The following OVGP1 variants were observed in gnomAD, a reference collection of about 807,000 sequenced individuals.
The protein encoded by OVGP1 is oviduct-specific glycoprotein.
OVGP1 carries 26 observed loss-of-function variants against 48.2 expected under a neutral mutation model. That is an observed-to-expected ratio of 0.54 (90% CI 0.40 to 0.75). The LOEUF is 0.75. Among genes scored for constraint, OVGP1 ranks in the 30% least tolerant of loss-of-function variants. OVGP1 has a pLI of 0.00. For synonymous variants in OVGP1, 294 were observed against 305.7 expected (o/e 0.96, Z 0.40); for missense variants, 791 against 820.6 (o/e 0.96, Z 0.44).
At chr1:111,422,534 T>A (rs891393216) in intron 6 of OVGP1, among the ~76,000 whole-genome samples, 8 of 152,238 alleles carry the variant, frequency 5.3e-5, no homozygotes, top group African/African-American at 1.9e-4. Context: ...TTTTTGTTTT[T>A]GTGACAGTGA....
Position 111,416,241 on chromosome 1 carries a change from G to C in OVGP1, c.1156+82C>G, listed in dbSNP as rs910826499. The C allele has an allele frequency of 1.3e-5, 18 of 1,357,108 alleles. No homozygotes were observed. In the African/African-American group the frequency reaches 2.1e-4, roughly 16 times the overall value. 84.1% of individuals were successfully genotyped at this position (1,357,108 alleles called of 1,614,324 possible). On this transcript the variant is annotated intron_variant, in intron 10 of 10. Coordinates refer to ENST00000369732, the MANE Select transcript of OVGP1 (RefSeq NM_002557.4). ...CTCAATGTCATGTTGCCTCACCAAGGCATTTAGATCTAGCAGAAGGGCCTT... is the reference window on the plus strand; with the variant it reads ...CTCAATGTCATGTTGCCTCACCAAGCCATTTAGATCTAGCAGAAGGGCCTT...
Position 111,415,226 on chromosome 1 carries a change from G to A in OVGP1, c.1275C>T (p.Pro425=), listed in dbSNP as rs372572309. The A allele has an allele frequency of 2.5e-6, 4 of 1,614,012 alleles. No homozygotes were observed. The highest frequency in any genetic ancestry group is 3.3e-5 in the Admixed American group (2 of 59,996). Residue 425 remains proline, a synonymous_variant, in exon 11 of 11, where the codon CCC becomes CCT. Transcript: ENST00000369732. ...CAGTGACCCCAGCCTCTCCTCCTGG[G>A]GGCAAAATCTTACTATCAGTGGTCC... ...TAWTTDSKIL[P]PGGEAGVTEI...
At position 111,421,650 on chromosome 1, in the gene OVGP1, A is replaced by C; in HGVS notation, c.632T>G (p.Leu211Trp). 6.2e-7 allele frequency: 1 copy of C among 1,610,446 alleles called. No homozygotes were observed. Among genetic ancestry groups the C allele is most frequent in the Non-Finnish European group, 8.5e-7 (1 of 1,176,622 alleles). ...CCAACTTCCATGTAAGTCATAAGAC[A>C]AGACATTGATGAAATCCAGGAGTCT... Reference protein sequence around the residue: ...LGRLLDFINVLSYDLHGSWER... With the variant: ...LGRLLDFINVWSYDLHGSWER... The change falls in exon 7 of 11, where the codon TTG becomes TGG. Residue 211 changes from leucine to tryptophan, a missense_variant. Leu to Trp is a moderately conservative substitution (Grantham distance 61). Transcript: ENST00000369732.
Position 111,423,694 on chromosome 1 carries a change from A to G in OVGP1, c.332T>C (p.Leu111Ser). The G allele has an allele frequency of 1.9e-6, 3 of 1,614,094 alleles. No homozygotes were observed. The highest frequency in any genetic ancestry group is 2.5e-6 in the Non-Finnish European group (3 of 1,179,954). ...CTTTTCACGGTTGGCAAATGTGGAC[A>G]ACATAGTGGTGAATCTGTAGGGAGA... ...NFGTSRFTTMLSTFANREKFI... is the reference protein window; with the variant it reads ...NFGTSRFTTMSSTFANREKFI... The change falls in exon 5 of 11, where the codon TTG (leucine) becomes TCG (serine). Residue 111 changes from leucine to serine, a missense_variant. By Grantham distance (145) the Leu-to-Ser change is moderately radical. Transcript: ENST00000369732.
intron 9 of OVGP1, among the ~76,000 whole-genome samples, chr1:111,417,360 A>G (rs1331527997): frequency 6.6e-6 from 1 of 152,182 alleles, no homozygotes; most frequent in Non-Finnish European, 1.5e-5. Flanking sequence ...CTACAACTAA[A>G]TGGCAGAGCT....
In OVGP1 at chr1:111,421,600, G is replaced by A. The variant is rs765840959; in HGVS notation, c.682C>T (p.Pro228Ser). 2 of 1,613,016 alleles carry A rather than the reference G, an allele frequency of 1.2e-6. No individual in the cohort carries two copies. The highest frequency in any genetic ancestry group is 1.7e-6 in the Non-Finnish European group (2 of 1,179,004). Residue 228 changes from proline to serine, a missense_variant, in exon 7 of 11, where the codon CCC becomes TCC. By Grantham distance (74) the Pro-to-Ser change is moderately conservative. Coordinates refer to ENST00000369732, the MANE Select transcript of OVGP1 (RefSeq NM_002557.4). Reference protein sequence around the residue: ...SWERFTGHNSPLFSLPEDPKS... With the variant: ...SWERFTGHNSSLFSLPEDPKS... ...GGGTCTTCAGGCAGAGAGAAGAGGGGGCTATTATGTCCTGTGAACCTTTCC... is the reference window on the plus strand; with the variant it reads ...GGGTCTTCAGGCAGAGAGAAGAGGGAGCTATTATGTCCTGTGAACCTTTCC...
At chr1:111,416,576 G>T in intron 9 of OVGP1, 118 bp from the exon 10 acceptor site, 2 of 803,604 alleles carry the variant, frequency 2.5e-6, no homozygotes, top group Non-Finnish European at 3.7e-6. Context: ...TAGGAGTGTA[G>T]CCAGCATTTG....
chr1:111,418,718 G>A (rs749074490), intron 9 of OVGP1, among the ~76,000 whole-genome samples: 14 of 152,102 alleles, frequency 9.2e-5, no homozygotes, highest in Non-Finnish European at 1.9e-4. Flanking sequence ...CTGTGTCCAC[G>A]CCCAGAGCTC....
At chr1:111,420,364 G>T (rs561989637) in intron 8 of OVGP1, among the ~76,000 whole-genome samples, 1 of 152,266 alleles carries the variant, frequency 6.6e-6, no homozygotes, top group South Asian at 2.1e-4. Context: ...AAGCTTCTTT[G>T]CCCTTCAAGA....
intron 6 of OVGP1, among the ~76,000 whole-genome samples, 182 bp downstream of exon 6, chr1:111,422,745 A>G (rs1329641423): frequency 6.6e-6 from 1 of 152,166 alleles, no homozygotes; most frequent in Non-Finnish European, 1.5e-5. Context: ...AGAAACCCTC[A>G]GGGTATAATG....
chr1:111,425,973 C>T (rs901827681), intron 3 of OVGP1, among the ~76,000 whole-genome samples: 2 of 152,112 alleles, frequency 1.3e-5, no homozygotes, highest in African/African-American at 4.8e-5. Context: ...TGTAAGCAAA[C>T]ACTTACTGAG....
intron 9 of OVGP1, among the ~76,000 whole-genome samples, chr1:111,417,914 G>A (rs1217594361): frequency 6.6e-6 from 1 of 152,182 alleles, no homozygotes; most frequent in Non-Finnish European, 1.5e-5. Context: ...CTTCCAGAGA[G>A]AGGAGAGAAC....
rs1031758992 is a variant in OVGP1 at position 111,416,396 on chromosome 1, G to A, written c.1083C>T (p.Asp361=). 1.2e-5 allele frequency: 19 copies of A among 1,609,064 alleles called. No homozygotes were observed. The highest frequency in any genetic ancestry group is 1.6e-4 in the Middle Eastern group (1 of 6,076). ...CAGTGCCACAGAACGTGCCCCTGACGTCATCCATGTCCAATGTCCACACCA... is the reference window on the plus strand; with the variant it reads ...CAGTGCCACAGAACGTGCCCCTGACATCATCCATGTCCAATGTCCACACCA... ...GAMVWTLDMD[D]VRGTFCGTGP... Residue 361 remains aspartate (D), a synonymous_variant, in exon 10 of 11, where the codon GAC becomes GAT. Coordinates refer to ENST00000369732, the MANE Select transcript of OVGP1 (RefSeq NM_002557.4).
In OVGP1 at chr1:111,425,392, C is replaced by T; in HGVS notation, c.308G>A (p.Gly103Asp). 1 of 1,613,806 alleles carries T rather than the reference C, an allele frequency of 6.2e-7. No individual in the cohort carries two copies. The highest frequency in any genetic ancestry group is 8.5e-7 in the Non-Finnish European group (1 of 1,179,840). The change falls in exon 4 of 11, where the codon GGC (glycine) becomes GAC (aspartate). Residue 103 changes from glycine (G) to aspartate (D), a missense_variant. Physicochemically the swap from Gly to Asp is moderately conservative, Grantham distance 94. Coordinates refer to ENST00000369732, the MANE Select transcript of OVGP1 (RefSeq NM_002557.4). ...AACAGCAAAGTCTCACCTTGAGGTG[C>T]CAAAGTTCCACCCGCCGATGGACAG... ...TLLSIGGWNF[G>D]TSRFTTMLST...
intron 9 of OVGP1, among the ~76,000 whole-genome samples, chr1:111,417,948 T>C (rs888108035): frequency 6.6e-6 from 1 of 152,164 alleles, no homozygotes; most frequent in Admixed American, 6.5e-5. Context: ...AAGTCCTCCC[T>C]GGGAAGGGGA....
intron 1 of OVGP1, 93 bp downstream of exon 1, chr1:111,427,604 C>T: frequency 4.8e-6 from 7 of 1,466,532 alleles, no homozygotes; most frequent in Admixed American, 1.7e-5. Flanking sequence ...CCCTGAGTCT[C>T]AGGCTGCTCT....
Position 111,414,450 on chromosome 1 carries a change from G to T in OVGP1, c.*14C>A. ...AAGACAAGGGTTTTCCCTGGTTTCT[G>T]ACACCAGAGGGGCTTAGGCTTCTTC... On this transcript the variant is annotated 3_prime_UTR_variant, in exon 11 of 11. Coordinates refer to ENST00000369732, the MANE Select transcript of OVGP1 (RefSeq NM_002557.4). 1.3e-6 allele frequency: 2 copies of T among 1,582,648 alleles called. No homozygotes were observed. The highest frequency in any genetic ancestry group is 2.3e-5 in the South Asian group (2 of 86,772).
At chr1:111,427,492 G>T in intron 1 of OVGP1, 1 of 611,726 alleles carries the variant, frequency 1.6e-6, no homozygotes, top group Non-Finnish European at 2.0e-6. Context: ...TTTCTAATGG[G>T]CCACCAGGTT....
Position 111,427,729 on chromosome 1 carries a change from G to A in OVGP1, c.-8C>T, listed in dbSNP as rs1425812933. ...CAGCAACAGCTTCCACATCTCAATG[G>A]TCTGATAGCTGTGAGTCCAGAGATG... On this transcript the variant is annotated 5_prime_UTR_variant, in exon 1 of 11. Coordinates refer to ENST00000369732, the MANE Select transcript of OVGP1 (RefSeq NM_002557.4). 1.9e-6 allele frequency: 3 copies of A among 1,608,232 alleles called. No homozygotes were observed. Among genetic ancestry groups the A allele is most frequent in the African/African-American group, 2.7e-5 (2 of 74,636 alleles).
Sources: allele counts gnomAD v4.1 joint callset (sites outside exome capture counted in the v4.1 genomes callset), GRCh38; gene constraint gnomAD v4.1.1; transcripts MANE v1.5; gene names NCBI Gene and HGNC (gene_info 2026-07-23, HGNC 2026-07-21).